FTO: variants seen among roughly 807,000 people sequenced by gnomAD.
FTO encodes the protein alpha-ketoglutarate-dependent dioxygenase FTO.
FTO carries 47 observed loss-of-function variants against 63.9 expected under a neutral mutation model. That is an observed-to-expected ratio of 0.74 (90% CI 0.58 to 0.94). FTO has a LOEUF of 0.94. FTO is among the 40% of genes least tolerant of loss of function. The pLI, the probability that FTO is intolerant of heterozygous loss-of-function variation, is 0.00. For synonymous variants in FTO, 207 were observed against 224.4 expected, an observed-to-expected ratio of 0.92 and a Z score of 0.69; for missense variants, 562 against 618.1, an observed-to-expected ratio of 0.91 and a Z score of 0.96.
intron 8 of FTO, among the ~76,000 whole-genome samples, chr16:54,007,358 G>T (rs571028942): frequency 6.6e-6 from 1 of 152,218 alleles, no homozygotes; most frequent in South Asian, 2.1e-4. Flanking sequence ...TAGAGACAGT[G>T]GTGAAGAGCA....
chr16:53,878,378 T>G (rs922963598), intron 5 of FTO, among the ~76,000 whole-genome samples: 3 of 151,414 alleles, frequency 2.0e-5, no homozygotes, highest in Non-Finnish European at 4.4e-5. Context: ...CTTTGTGGGG[T>G]TTTTTTTGGC....
intron 1 of FTO, among the ~76,000 whole-genome samples, chr16:53,796,731 T>C (rs2151702761): frequency 6.6e-6 from 1 of 152,320 alleles, no homozygotes; most frequent in African/African-American, 2.4e-5. Flanking sequence ...AGGCCCAGTT[T>C]TATAGGCACG....
At chr16:53,791,529 A>G (rs1466700286) in intron 1 of FTO, among the ~76,000 whole-genome samples, 1 of 152,208 alleles carries the variant, frequency 6.6e-6, no homozygotes, top group Non-Finnish European at 1.5e-5. Context: ...TTTATATTTT[A>G]CAGCATGATG....
intron 8 of FTO, among the ~76,000 whole-genome samples, chr16:53,945,321 C>A (rs139403581): frequency 2.0e-5 from 3 of 152,264 alleles, no homozygotes; most frequent in Middle Eastern, 3.4e-3. Context: ...GTGTTCCAGA[C>A]AGAGTTTTAA....
At chr16:53,864,594 C>G (rs9933889) in intron 4 of FTO, among the ~76,000 whole-genome samples, 1 of 152,150 alleles carries the variant, frequency 6.6e-6, no homozygotes, top group Non-Finnish European at 1.5e-5. Flanking sequence ...AGAGTGAGAG[C>G]GTCTTTTCTT....
intron 1 of FTO, among the ~76,000 whole-genome samples, chr16:53,740,278 GTGT>G (rs1230110382): frequency 6.6e-6 from 1 of 152,146 alleles, no homozygotes; most frequent in African/African-American, 2.4e-5. Context: ...TAGGTGTAGA[GTGT>G]ATTTTTTTTA....
At chr16:53,882,511 G>A (rs900754058) in intron 6 of FTO, among the ~76,000 whole-genome samples, 1 of 152,168 alleles carries the variant, frequency 6.6e-6, no homozygotes, top group Admixed American at 6.5e-5. Flanking sequence ...TGCATTTTGG[G>A]CATAAGGAGC....
chr16:53,920,636 A>G (rs1434141251), intron 7 of FTO, among the ~76,000 whole-genome samples: 1 of 152,178 alleles, frequency 6.6e-6, no homozygotes, highest in South Asian at 2.1e-4. Context: ...CTAGTATGGA[A>G]CGCGTCCCTT....
intron 4 of FTO, among the ~76,000 whole-genome samples, chr16:53,871,824 T>G (rs140314316): frequency 2.0e-4 from 30 of 152,170 alleles, no homozygotes; most frequent in African/African-American, 7.0e-4. Context: ...CCTCCTGTGT[T>G]CAAGCAATTC....
At chr16:53,837,880 A>G (rs762997328) in intron 3 of FTO, among the ~76,000 whole-genome samples, 22 of 152,178 alleles carry the variant, frequency 1.4e-4, no homozygotes, top group Non-Finnish European at 2.4e-4. Flanking sequence ...GTCTGTCAGT[A>G]GTCTCAGTGT....
At chr16:54,056,527 T>C (rs2085436981) in intron 8 of FTO, among the ~76,000 whole-genome samples, 1 of 152,222 alleles carries the variant, frequency 6.6e-6, no homozygotes. Flanking sequence ...GGGAATAAAC[T>C]AGGTTACAAA....
intron 8 of FTO, among the ~76,000 whole-genome samples, chr16:54,086,037 A>G (rs2086248295): frequency 6.6e-6 from 1 of 152,234 alleles, no homozygotes; most frequent in Non-Finnish European, 1.5e-5. Context: ...CAAAATAACA[A>G]CAACAATAAG....
intron 1 of FTO, among the ~76,000 whole-genome samples, chr16:53,726,752 G>A (rs2076162113): frequency 6.6e-6 from 1 of 152,192 alleles, no homozygotes; most frequent in South Asian, 2.1e-4. Context: ...AGGCAGTGGT[G>A]CATGACAGTT....
intron 1 of FTO, among the ~76,000 whole-genome samples, chr16:53,783,255 G>T (rs964151166): frequency 2.8e-4 from 43 of 152,162 alleles, no homozygotes; most frequent in African/African-American, 9.6e-4. Flanking sequence ...CCTGAGGTGG[G>T]TGAATCATGA....
intron 8 of FTO, among the ~76,000 whole-genome samples, chr16:53,948,436 G>A (rs764492888): frequency 6.6e-6 from 1 of 152,248 alleles, no homozygotes; most frequent in Admixed American, 6.5e-5. Context: ...ACACTGTTAA[G>A]TTCAAGGCAA....
chr16:53,814,997 G>A (rs2078633325), intron 2 of FTO: 1 of 152,130 alleles, frequency 6.6e-6, no homozygotes, highest in Admixed American at 6.6e-5. Flanking sequence ...GAACAGCAAA[G>A]CCTCAGGTAT....
intron 3 of FTO, among the ~76,000 whole-genome samples, chr16:53,843,737 T>C (rs2079538370): frequency 6.6e-6 from 1 of 152,200 alleles, no homozygotes; most frequent in South Asian, 2.1e-4. Context: ...ATTTAGAAAG[T>C]ACTGACATTT....
At chr16:53,789,174 T>C (rs575380004) in intron 1 of FTO, among the ~76,000 whole-genome samples, 1 of 152,342 alleles carries the variant, frequency 6.6e-6, no homozygotes, top group Non-Finnish European at 1.5e-5. Context: ...ATGGAACCAT[T>C]GGCATAACCT....
chr16:53,748,536 C>T (rs926077266), intron 1 of FTO, among the ~76,000 whole-genome samples: 2 of 152,104 alleles, frequency 1.3e-5, no homozygotes, highest in Admixed American at 1.3e-4. Flanking sequence ...CTCACTGCAG[C>T]TTCCACCTCC....
Sources: allele counts gnomAD v4.1 joint callset (sites outside exome capture counted in the v4.1 genomes callset), GRCh38; gene constraint gnomAD v4.1.1; transcripts MANE v1.5; gene names NCBI Gene and HGNC (gene_info 2026-07-23, HGNC 2026-07-21).